The following PCDHA6 variants were observed in gnomAD, a reference collection of about 807,000 sequenced individuals.
The protein encoded by PCDHA6 is protocadherin alpha 6.
PCDHA6 carries 55 observed loss-of-function variants against 60.3 expected under a neutral mutation model. The observed-to-expected ratio is 0.91, with a 90% CI of 0.73 to 1.14. PCDHA6 has a LOEUF of 1.14. Among genes scored for constraint, PCDHA6 ranks in the 50% most tolerant of loss-of-function variants. The pLI, the probability that PCDHA6 is intolerant of heterozygous loss-of-function variation, is 0.00. For missense variants in PCDHA6, 1,327 were observed against 1,256.5 expected (o/e 1.06, Z -0.85); for synonymous variants, 652 against 557.9 (o/e 1.17, Z -2.38).
chr5:140,837,346 A>T (rs1387832105), intron 1 of PCDHA6, among the ~76,000 whole-genome samples: 1 of 152,056 alleles, frequency 6.6e-6, no homozygotes, highest in African/African-American at 2.4e-5. Flanking sequence ...AATTTAAAAT[A>T]GTTTAAATGG....
chr5:140,840,795 A>T (rs1395855837), intron 1 of PCDHA6, among the ~76,000 whole-genome samples: 1 of 152,122 alleles, frequency 6.6e-6, no homozygotes, highest in African/African-American at 2.4e-5. Flanking sequence ...TGCTCACCTC[A>T]GAGTAATATA....
At chr5:140,861,184 A>G in intron 1 of PCDHA6, 1 of 160,152 alleles carries the variant, frequency 6.2e-6, no homozygotes, top group Non-Finnish European at 1.4e-5. Context: ...AAGTCTTTCT[A>G]GTCATGAAAT....
chr5:140,884,334 C>T (rs1405987385), intron 1 of PCDHA6: 1 of 1,613,746 alleles, frequency 6.2e-7, no homozygotes, highest in Non-Finnish European at 8.5e-7. Context: ...GCTGTGGGTC[C>T]AGAAGCGGCG....
At chr5:140,906,942 A>G (rs2073059599) in intron 1 of PCDHA6, among the ~76,000 whole-genome samples, 1 of 152,146 alleles carries the variant, frequency 6.6e-6, no homozygotes, top group Admixed American at 6.5e-5. Context: ...TGTCAATCTT[A>G]ATTTCCAGTT....
chr5:140,829,661 G>T lies in PCDHA6; in HGVS notation c.1570G>T (p.Asp524Tyr). 2 of 1,612,716 alleles carry T rather than the reference G, an allele frequency of 1.2e-6. No individual in the cohort carries two copies. Among genetic ancestry groups the T allele is most frequent in the Non-Finnish European group, 1.7e-6 (2 of 1,179,838 alleles). The change falls in exon 1 of 4, where the codon GAC becomes TAC. Residue 524 changes from aspartate (D) to tyrosine (Y), a missense_variant. By Grantham distance (160) the Asp-to-Tyr change is radical. Transcript: ENST00000529310. ...CAAGGTGTACGCGCTGCAGCCGCTG[G>T]ACCACGAGGAGCTAGAGCTGCTGCA... ...SGKVYALQPL[D>Y]HEELELLQFQ...
intron 1 of PCDHA6, chr5:140,876,434 A>G (rs2056340599): frequency 1.2e-6 from 2 of 1,613,976 alleles, no homozygotes; most frequent in Non-Finnish European, 1.7e-6. Flanking sequence ...ATTCAGGTTA[A>G]CGCCATTGAT....
At chr5:140,936,986 A>G (rs2091244455) in intron 1 of PCDHA6, among the ~76,000 whole-genome samples, 1 of 151,898 alleles carries the variant, frequency 6.6e-6, no homozygotes, top group Non-Finnish European at 1.5e-5. Context: ...GCTTGTTAAC[A>G]TTGACAATAT....
chr5:140,835,058 C>G, intron 1 of PCDHA6: 1 of 1,218,396 alleles, frequency 8.2e-7, no homozygotes, highest in Non-Finnish European at 1.1e-6. Flanking sequence ...TGACTGGCAC[C>G]GTTCAATTAC....
At chr5:140,832,455 G>A (rs2150201808) in intron 1 of PCDHA6, among the ~76,000 whole-genome samples, 8 of 152,070 alleles carry the variant, frequency 5.3e-5, no homozygotes, top group Non-Finnish European at 1.2e-4. Flanking sequence ...AATTAATATT[G>A]CACTAAAATT....
Position 140,843,712 on chromosome 5 carries a change from C to G in PCDHA6, c.2394+13227C>G. ...AAGATTTAAATGTTGATCATGGCCT[C>G]AAAGTAAGTCCATTTAAATTTAGAA... On this transcript the variant is annotated intron_variant, in intron 1 of 3. Transcript: ENST00000529310. 3.2e-6 allele frequency: 5 copies of G among 1,569,886 alleles called. 1 individual carries two copies. Among genetic ancestry groups the G allele is most frequent in the Non-Finnish European group, 4.4e-6 (5 of 1,144,038 alleles).
At chr5:140,874,406 C>T (rs1399717105) in intron 1 of PCDHA6, among the ~76,000 whole-genome samples, 2 of 152,122 alleles carry the variant, frequency 1.3e-5, no homozygotes, top group Non-Finnish European at 2.9e-5. Flanking sequence ...ATAACAGTCA[C>T]CATTCTGATT....
At chr5:140,967,879 T>C in intron 1 of PCDHA6, 1 of 1,614,104 alleles carries the variant, frequency 6.2e-7, no homozygotes, top group Non-Finnish European at 8.5e-7. Context: ...CGGACCTGTA[T>C]AGCCCAGTGC....
intron 1 of PCDHA6, among the ~76,000 whole-genome samples, chr5:140,912,495 GC>G (rs2075942069): frequency 6.6e-6 from 1 of 152,084 alleles, no homozygotes. Context: ...AGATCTAGGA[GC>G]TTTTTGGATG....
chr5:140,828,675 T>TTA lies in PCDHA6; in HGVS notation c.584_585insTA (p.Leu195PhefsTer3). ...GATGACAATAAACAAATTGGGCTCT[T>TTA]ATTAAAGAAATCCTTGGACAGAGAG... is the stretch of plus-strand genomic sequence containing the variant. On this transcript the variant is annotated frameshift_variant, in exon 1 of 4. Transcript: ENST00000529310. LOFTEE classifies it high-confidence loss of function. 1 of 1,614,212 alleles carries TTA rather than the reference T, an allele frequency of 6.2e-7. No individual in the cohort carries two copies. The highest frequency in any genetic ancestry group is 8.5e-7 in the Non-Finnish European group (1 of 1,180,036).
chr5:140,995,102 C>A (rs976806158), intron 3 of PCDHA6, among the ~76,000 whole-genome samples: 3 of 152,312 alleles, frequency 2.0e-5, no homozygotes, highest in Middle Eastern at 6.8e-3. Context: ...GAGATACATT[C>A]CAAGACCCTC....
chr5:140,828,605 C>T lies in PCDHA6; in HGVS notation c.514C>T (p.Leu172Phe). Residue 172 changes from leucine (L) to phenylalanine (F), a missense_variant, in exon 1 of 4, where the codon CTC (leucine) becomes TTC (phenylalanine). Physicochemically the swap from Leu to Phe is conservative, Grantham distance 22. Transcript: ENST00000529310. ...VGSNSILTYK[L>F]SSSEYFGLDV... is the part of the protein sequence containing the mutation. ...CTCAAATTCCATCTTAACCTATAAA[C>T]TCAGTTCTAGCGAATACTTCGGGCT... The T allele has an allele frequency of 6.2e-7, 1 of 1,614,210 alleles. No individual in the cohort carries two copies. The highest frequency in any genetic ancestry group is 8.5e-7 in the Non-Finnish European group (1 of 1,180,048).
At chr5:140,971,845 G>C (rs370364575) in intron 1 of PCDHA6, among the ~76,000 whole-genome samples, 1 of 151,934 alleles carries the variant, frequency 6.6e-6, no homozygotes, top group Non-Finnish European at 1.5e-5. Flanking sequence ...CAAGTCATGC[G>C]TTAAATATTT....
rs116104145 is a variant in PCDHA6, at chr5:140,901,150, A to G, written c.2394+70665A>G. Among the ~76,000 whole-genome samples, 839 of 152,012 alleles carry G rather than the reference A, an allele frequency of 5.5e-3. 12 individuals carry two copies. Among genetic ancestry groups the G allele is most frequent in the African/African-American group, 0.019 (783 of 41,484 alleles). On this transcript the variant is annotated intron_variant, in intron 1 of 3. Transcript: ENST00000529310. ...GGTAGATTGTAAATATTTTCTCTCA[A>G]TCTGTGGGTTGTCTCTTCACTTTGT...
intron 1 of PCDHA6, among the ~76,000 whole-genome samples, chr5:140,950,920 T>TTTCTGCTACTTTTAACTG (rs1554219690): frequency 2.6e-5 from 4 of 152,202 alleles, no homozygotes; most frequent in African/African-American, 9.6e-5. Context: ...TTATTTCAGT[T>TTTCTGCTACTTTTAACTG]CTTTTTCTTT....
Sources: allele counts gnomAD v4.1 joint callset (sites outside exome capture counted in the v4.1 genomes callset), GRCh38; gene constraint gnomAD v4.1.1; transcripts MANE v1.5; gene names NCBI Gene and HGNC (gene_info 2026-07-23, HGNC 2026-07-21).